Variants in IMMT observed in about 807,000 individuals in gnomAD.
IMMT encodes the protein inner membrane mitochondrial protein.
A neutral mutation model predicts 92.7 loss-of-function variants in IMMT; 40 were observed. The ratio of observed to expected loss-of-function variants is 0.43; its 90% CI spans 0.34 to 0.56. The LOEUF (loss-of-function observed/expected upper bound fraction) is 0.56. Among genes scored for constraint, IMMT ranks in the 20% least tolerant of loss-of-function variants. The pLI, the probability that IMMT is intolerant of heterozygous loss-of-function variation, is 0.03. For missense variants in IMMT, 831 were observed against 912.1 expected, an observed-to-expected ratio of 0.91 and a Z score of 1.14; for synonymous variants, 322 against 336.1, an observed-to-expected ratio of 0.96 and a Z score of 0.46.
At chr2:86,167,453 G>A (rs1402793407) in intron 6 of IMMT, among the ~76,000 whole-genome samples, 4 of 149,498 alleles carry the variant, frequency 2.7e-5, no homozygotes, top group Non-Finnish European at 4.4e-5. Context: ...GATTACAGGC[G>A]TGAGCCACCG....
chr2:86,182,429 G>A (rs182841121), intron 1 of IMMT, among the ~76,000 whole-genome samples: 4 of 152,190 alleles, frequency 2.6e-5, no homozygotes, highest in African/African-American at 9.6e-5. Flanking sequence ...CACTCTACTG[G>A]CCAAAGCCTA....
intron 10 of IMMT, among the ~76,000 whole-genome samples, chr2:86,157,932 G>A (rs981385050): frequency 2.6e-5 from 4 of 151,706 alleles, no homozygotes; most frequent in Non-Finnish European, 4.4e-5. Context: ...TCCAGCCTGG[G>A]CAACGACAAA....
intron 4 of IMMT, 56 bp downstream of exon 4, chr2:86,173,591 AAAG>A: frequency 2.9e-6 from 3 of 1,022,954 alleles, no homozygotes; most frequent in South Asian, 1.4e-5. Flanking sequence ...AAAAAAAAAA[AAAG>A]AATTGGTGAA....
intron 10 of IMMT, among the ~76,000 whole-genome samples, chr2:86,154,749 C>T (rs930305612): frequency 2.0e-5 from 3 of 152,194 alleles, no homozygotes; most frequent in African/African-American, 7.2e-5. Context: ...TGAATGATGT[C>T]CCCCACCACA....
intron 7 of IMMT, among the ~76,000 whole-genome samples, chr2:86,163,629 A>G (rs1012288714): frequency 6.6e-6 from 1 of 152,178 alleles, no homozygotes. Context: ...ACTCCAGGAT[A>G]AGAGTCCATA....
Position 86,144,320 on chromosome 2 carries a change from G to T in IMMT, c.2225C>A (p.Thr742Lys), listed in dbSNP as rs1357581502. 4.3e-6 allele frequency: 7 copies of T among 1,613,820 alleles called. No individual in the cohort carries two copies. The highest frequency in any genetic ancestry group is 5.1e-6 in the Non-Finnish European group (6 of 1,179,886). The part of the protein sequence containing the change: ...LETKQIVEIL[T>K]AYASAVGIGT... ...TATTCCTACGGCGCTGGCATATGCT[G>T]TCAGGATTTCCACTATCTGTTTCGT... The change falls in exon 15 of 15, where the codon ACA becomes AAA. Residue 742 changes from threonine (T) to lysine (K), a missense_variant. Thr to Lys is a moderately conservative substitution (Grantham distance 78). Transcript: ENST00000410111.
At position 86,144,533 on chromosome 2, in the gene IMMT, G is replaced by C; in HGVS notation, c.2012C>G (p.Pro671Arg). 1 of 1,614,044 alleles carries C rather than the reference G, an allele frequency of 6.2e-7. No homozygotes were observed. The highest frequency in any genetic ancestry group is 8.5e-7 in the Non-Finnish European group (1 of 1,179,900). The stretch of plus-strand genomic sequence containing the variant: ...CTCTGGGGGCGGCTTCAGTTGCTGA[G>C]GTGGGAATAGGAGCAGGGACTGTAG... ...SYLQSLLLFP[P>R]QQLKPPPELC... Residue 671 changes from proline (P) to arginine (R), a missense_variant, in exon 15 of 15, where the codon CCT (proline) becomes CGT (arginine). Physicochemically the swap from Pro to Arg is moderately radical, Grantham distance 103 (BLOSUM62 -2). Transcript: ENST00000410111.
rs780166863 is a variant in IMMT, at chr2:86,158,741, A to G, written c.1033-20T>C. On this transcript the variant is annotated intron_variant, in intron 9 of 14. Coordinates refer to ENST00000410111, the MANE Select transcript of IMMT (RefSeq NM_006839.3). ...TTGGACCTGAGCAAATACACAGGGTATGTGATTAAATTGAACAAAAAATAC... is the reference window on the plus strand; with the variant it reads ...TTGGACCTGAGCAAATACACAGGGTGTGTGATTAAATTGAACAAAAAATAC... 8 of 1,568,068 alleles carry G rather than the reference A, an allele frequency of 5.1e-6. No individual in the cohort carries two copies. In the South Asian group the frequency reaches 9.2e-5, roughly 18 times the overall value.
chr2:86,195,024 C>A (rs761841905), intron 1 of IMMT: 7 of 347,398 alleles, frequency 2.0e-5, no homozygotes, highest in Admixed American at 9.7e-5. Context: ...GCGCGCCCAA[C>A]CGGCGACCCA....
intron 12 of IMMT, among the ~76,000 whole-genome samples, chr2:86,148,073 C>G (rs565866657): frequency 4.5e-4 from 69 of 152,310 alleles, no homozygotes; most frequent in African/African-American, 1.6e-3. Context: ...GTCTCTCTCA[C>G]CCCCAAACTT....
chr2:86,194,996 C>CA (rs749313276), intron 1 of IMMT: 17 of 300,338 alleles, frequency 5.7e-5, no homozygotes, highest in African/African-American at 1.1e-4. Context: ...CGTCGACCTT[C>CA]AGCACTGAAA....
Position 86,193,308 on chromosome 2 carries a change from G to C in IMMT, c.45+2030C>G, listed in dbSNP as rs528614795. Among the ~76,000 whole-genome samples, 41 of 151,840 alleles carry C rather than the reference G, an allele frequency of 2.7e-4. 1 individual carries two copies. The highest frequency in any genetic ancestry group is 3.4e-3 in the Middle Eastern group (1 of 294). Reference sequence around the variant, plus strand: ...TGTGGTCCCAGCTACTCAGGAGGCTGAGGTAAGAGGATTGCTTGCGCTCAG... The same window carrying C: ...TGTGGTCCCAGCTACTCAGGAGGCTCAGGTAAGAGGATTGCTTGCGCTCAG... On this transcript the variant is annotated intron_variant, in intron 1 of 14. Transcript: ENST00000410111.
intron 5 of IMMT, 57 bp from the exon 6 acceptor site, chr2:86,170,901 A>C: frequency 7.8e-7 from 1 of 1,286,710 alleles, no homozygotes; most frequent in Non-Finnish European, 1.1e-6. Context: ...TTTAATAGCT[A>C]ACAGGGATAT....
In IMMT at chr2:86,173,756, C is replaced by T. The variant is rs756117361; in HGVS notation, c.315G>A (p.Gln105=). Residue 105 remains glutamine (Q), a synonymous_variant, in exon 4 of 15, where the codon CAG becomes CAA. Coordinates refer to ENST00000410111, the MANE Select transcript of IMMT (RefSeq NM_006839.3). ...CACTAGAGATTTTTAGTGGACCCGA[C>T]TGAATCTTGGAAATAAAAAACATTT... The part of the protein sequence containing the change: ...YNVPLPKKSI[Q]SGPLKISSVS... 6 of 1,546,148 alleles carry T rather than the reference C, an allele frequency of 3.9e-6. No homozygotes were observed. Among genetic ancestry groups the T allele is most frequent in the South Asian group, 1.1e-5 (1 of 86,994 alleles).
At position 86,151,598 on chromosome 2, in the gene IMMT, ATTATAAT is replaced by A. The variant is rs1257069224; in HGVS notation, c.1178-85_1178-79del. 1.4e-5 allele frequency: 15 copies of A among 1,064,976 alleles called. No homozygotes were observed. The African/African-American group carries it at 1.9e-4, about 13-fold the overall frequency. The allele number at this position is 1,064,976 out of a possible 1,614,324, so 66.0% of individuals were successfully genotyped here. A position where few individuals can be genotyped will look rare whatever the true frequency, so the allele number is the denominator to read the frequency against. On this transcript the variant is annotated intron_variant, in intron 11 of 14. Transcript: ENST00000410111. ...ATTACAAGGTAATCTGCATCAACTGATTATAATTTAAGAGCAGTAAACGAAAGTAAAA... is the reference window on the plus strand; with the variant it reads ...ATTACAAGGTAATCTGCATCAACTGATTAAGAGCAGTAAACGAAAGTAAAA...
chr2:86,183,933 A>G (rs1024034051), intron 1 of IMMT, among the ~76,000 whole-genome samples: 2 of 152,174 alleles, frequency 1.3e-5, no homozygotes, highest in Non-Finnish European at 2.9e-5. Context: ...TTTTTTCTAA[A>G]TTTTTGTTAA....
intron 2 of IMMT, 146 bp from the exon 3 acceptor site, chr2:86,179,768 C>T: frequency 5.3e-6 from 3 of 567,356 alleles, no homozygotes; most frequent in Non-Finnish European, 9.1e-6. Flanking sequence ...ACCACCATGT[C>T]TGCACATCAC....
chr2:86,171,907 G>C (rs1677115580), intron 4 of IMMT, among the ~76,000 whole-genome samples: 1 of 149,892 alleles, frequency 6.7e-6, no homozygotes, highest in Admixed American at 6.7e-5. Context: ...GGCCAACACA[G>C]CAAGATCCCA....
At chr2:86,178,621 G>A (rs970644428) in intron 3 of IMMT, among the ~76,000 whole-genome samples, 3 of 151,342 alleles carry the variant, frequency 2.0e-5, no homozygotes, top group Non-Finnish European at 4.4e-5. Context: ...GCAAGACTCC[G>A]TCTTGGAAAA....
Sources: allele counts gnomAD v4.1 joint callset (sites outside exome capture counted in the v4.1 genomes callset), GRCh38; gene constraint gnomAD v4.1.1; transcripts MANE v1.5; gene names NCBI Gene and HGNC (gene_info 2026-07-23, HGNC 2026-07-21).